AUTS2: variants seen among roughly 807,000 people sequenced by gnomAD.
AUTS2 encodes the protein activator of transcription and developmental regulator AUTS2.
In AUTS2, 17 loss-of-function variants were observed where a neutral mutation model predicts 112.4. The ratio of observed to expected loss-of-function variants is 0.15; its 90% CI spans 0.10 to 0.23. AUTS2 has a LOEUF of 0.23. Among genes scored for constraint, AUTS2 ranks in the 10% least tolerant of loss-of-function variants. The pLI, the probability that AUTS2 is intolerant of heterozygous loss-of-function variation, is 1.00. For missense variants in AUTS2, 1,510 were observed against 1,701.6 expected, an observed-to-expected ratio of 0.89 and a Z score of 1.98; for synonymous variants, 751 against 702.7, an observed-to-expected ratio of 1.07 and a Z score of -1.09.
intron 2 of AUTS2, among the ~76,000 whole-genome samples, chr7:70,001,858 G>A (rs923109887): frequency 4.6e-5 from 7 of 151,752 alleles, no homozygotes; most frequent in Non-Finnish European, 1.0e-4. Flanking sequence ...TTACAAGCAC[G>A]CACCACCACG....
chr7:70,776,188 G>A (rs938904022), intron 13 of AUTS2, among the ~76,000 whole-genome samples: 10 of 152,202 alleles, frequency 6.6e-5, no homozygotes, highest in Admixed American at 3.3e-4. Flanking sequence ...CCATACTGTA[G>A]AAACCAGAAG....
At chr7:70,589,937 CCT>C (rs1802861553) in intron 5 of AUTS2, among the ~76,000 whole-genome samples, 1 of 152,100 alleles carries the variant, frequency 6.6e-6, no homozygotes, top group Non-Finnish European at 1.5e-5. Context: ...CCTGCCATTC[CCT>C]CTCAGAAAGC....
At chr7:70,078,468 A>G (rs1803143292) in intron 2 of AUTS2, among the ~76,000 whole-genome samples, 1 of 152,164 alleles carries the variant, frequency 6.6e-6, no homozygotes, top group African/African-American at 2.4e-5. Context: ...ACCACAGATA[A>G]GGGGTACTAC....
chr7:70,718,183 C>G (rs1441835473), intron 6 of AUTS2, among the ~76,000 whole-genome samples: 2 of 152,088 alleles, frequency 1.3e-5, no homozygotes, highest in African/African-American at 4.8e-5. Flanking sequence ...AAGAGCTTTC[C>G]TTTCCTCTCC....
At chr7:70,395,681 A>G (rs1454249048) in intron 4 of AUTS2, among the ~76,000 whole-genome samples, 1 of 152,186 alleles carries the variant, frequency 6.6e-6, no homozygotes, top group Admixed American at 6.5e-5. Flanking sequence ...TGCTTCACTG[A>G]GGATTGTTTC....
chr7:69,970,393 A>G (rs1003576371), intron 2 of AUTS2, among the ~76,000 whole-genome samples: 1 of 152,178 alleles, frequency 6.6e-6, no homozygotes, highest in Non-Finnish European at 1.5e-5. Flanking sequence ...CTGAAGTTCA[A>G]CAGATTCCTC....
chr7:70,517,350 G>T (rs976597564), intron 5 of AUTS2, among the ~76,000 whole-genome samples: 2 of 151,960 alleles, frequency 1.3e-5, no homozygotes, highest in Non-Finnish European at 2.9e-5. Context: ...GGGTTTGGTG[G>T]TATCAGATAA....
At chr7:69,676,830 T>G (rs1796589479) in intron 1 of AUTS2, among the ~76,000 whole-genome samples, 1 of 151,990 alleles carries the variant, frequency 6.6e-6, no homozygotes, top group African/African-American at 2.4e-5. Flanking sequence ...TCTTTTTTTT[T>G]TTTAAAGTAT....
At chr7:69,989,283 T>G (rs1798642063) in intron 2 of AUTS2, among the ~76,000 whole-genome samples, 1 of 152,210 alleles carries the variant, frequency 6.6e-6, no homozygotes, top group Non-Finnish European at 1.5e-5. Context: ...TATTACTGTT[T>G]GTCAGTTATT....
At chr7:70,357,431 G>A (rs538380795) in intron 4 of AUTS2, among the ~76,000 whole-genome samples, 1 of 152,228 alleles carries the variant, frequency 6.6e-6, no homozygotes, top group East Asian at 1.9e-4. Flanking sequence ...CGTTTTCTGG[G>A]TCCCATCTTC....
At position 70,607,223 on chromosome 7, in the gene AUTS2, A is replaced by G. The variant is rs866965232; in HGVS notation, c.691-91346A>G. 2.9e-5 allele frequency among the ~76,000 whole-genome samples: 4 copies of G among 139,102 alleles called. No homozygotes were observed. In the South Asian group the frequency reaches 6.4e-4, roughly 22 times the overall value. 91.3% of individuals were successfully genotyped at this position (139,102 alleles called of 152,430 possible). A position where few individuals can be genotyped will look rare whatever the true frequency, so the allele number is the denominator to read the frequency against. ...CTTTAGTAGCTGCGTGGAGCTTGCC[A>G]TGTGTCAGAAAACCTTAGAGTGTAG... On this transcript the variant is annotated intron_variant, in intron 5 of 18. Transcript: ENST00000342771.
intron 2 of AUTS2, among the ~76,000 whole-genome samples, chr7:70,033,276 T>A (rs1800861633): frequency 6.6e-6 from 1 of 152,202 alleles, no homozygotes; most frequent in African/African-American, 2.4e-5. Context: ...GGGGAAAGGT[T>A]TTAAGCAGTG....
chr7:70,098,742 G>T (rs1804330756), intron 2 of AUTS2, among the ~76,000 whole-genome samples: 2 of 141,724 alleles, frequency 1.4e-5, no homozygotes, highest in African/African-American at 2.6e-5. Flanking sequence ...TGCTCTTGTT[G>T]CCCAGGCTGG....
At chr7:70,419,188 G>T (rs1462132813) in intron 4 of AUTS2, among the ~76,000 whole-genome samples, 1 of 151,992 alleles carries the variant, frequency 6.6e-6, no homozygotes, top group African/African-American at 2.4e-5. Context: ...TTCCATTTCA[G>T]CAAAATTCTT....
chr7:69,785,150 C>T (rs1363888208), intron 1 of AUTS2, among the ~76,000 whole-genome samples: 1 of 152,100 alleles, frequency 6.6e-6, no homozygotes, highest in East Asian at 1.9e-4. Context: ...GATTTTATTA[C>T]CTAAAATATT....
At chr7:70,107,881 C>A (rs545178935) in intron 2 of AUTS2, among the ~76,000 whole-genome samples, 3 of 151,332 alleles carry the variant, frequency 2.0e-5, no homozygotes, top group African/African-American at 7.3e-5. Flanking sequence ...GCATGGTGGG[C>A]GTGCCTGTAA....
intron 4 of AUTS2, among the ~76,000 whole-genome samples, chr7:70,194,268 G>A (rs995801676): frequency 2.0e-5 from 3 of 152,060 alleles, no homozygotes; most frequent in African/African-American, 7.2e-5. Flanking sequence ...AAATTAGCTG[G>A]ATGTGGTGAC....
intron 2 of AUTS2, among the ~76,000 whole-genome samples, chr7:69,981,155 A>G (rs962295038): frequency 6.6e-6 from 1 of 152,216 alleles, no homozygotes; most frequent in Admixed American, 6.5e-5. Context: ...ACTGGTTTAC[A>G]TGTGGTAAAT....
rs78509570 is a variant in AUTS2 at position 70,321,707 on chromosome 7, C to T, written c.661-114045C>T. 8.8e-3 allele frequency among the ~76,000 whole-genome samples: 1,332 copies of T among 152,172 alleles called. 23 individuals carry two copies. Among genetic ancestry groups the T allele is most frequent in the African/African-American group, 0.031 (1,269 of 41,516 alleles). ...AAATGTAGTTGACCAGATAAATATG[C>T]AGATAGTTGGGACATGTCTAAAGTG... On this transcript the variant is annotated intron_variant, in intron 4 of 18. Transcript: ENST00000342771.
Sources: allele counts gnomAD v4.1 joint callset (sites outside exome capture counted in the v4.1 genomes callset), GRCh38; gene constraint gnomAD v4.1.1; transcripts MANE v1.5; gene names NCBI Gene and HGNC (gene_info 2026-07-23, HGNC 2026-07-21).